Variants in ATP2C1 observed in about 807,000 individuals in gnomAD.
ATP2C1 encodes ATPase secretory pathway Ca2+ transporting 1.
ATP2C1 carries 31 observed loss-of-function variants against 120.5 expected under a neutral mutation model. The observed-to-expected ratio is 0.26, with a 90% CI of 0.19 to 0.35. The LOEUF is 0.35. ATP2C1 is among the 10% of genes least tolerant of loss of function. The pLI, the probability that ATP2C1 is intolerant of heterozygous loss-of-function variation, is 1.00. For missense variants in ATP2C1, 731 were observed against 1,107.5 expected, an observed-to-expected ratio of 0.66 and a Z score of 4.83; for synonymous variants, 351 against 358.7, an observed-to-expected ratio of 0.98 and a Z score of 0.24.
chr3:130,976,370 T>C (rs527608345), intron 18 of ATP2C1, among the ~76,000 whole-genome samples: 1 of 152,236 alleles, frequency 6.6e-6, no homozygotes, highest in African/African-American at 2.4e-5. Flanking sequence ...CCTGCTGCCA[T>C]TGCCCTTCTC....
intron 8 of ATP2C1, among the ~76,000 whole-genome samples, chr3:130,943,092 A>G (rs1373590966): frequency 3.3e-5 from 5 of 152,242 alleles, no homozygotes; most frequent in Non-Finnish European, 5.9e-5. Context: ...TCATTTAACT[A>G]AGGGTTAATT....
chr3:130,878,625 C>T (rs926467253), intron 1 of ATP2C1, among the ~76,000 whole-genome samples: 69 of 152,200 alleles, frequency 4.5e-4, no homozygotes, highest in African/African-American at 1.7e-3. Context: ...TTTATTTCTC[C>T]TTCATTTCTG....
At chr3:130,893,984 A>G (rs1160137248), upstream of ATP2C1, 28 of 985,516 alleles carry the variant, frequency 2.8e-5, no homozygotes, top group Non-Finnish European at 3.4e-5. Context: ...AGCGGAAGTA[A>G]TAGTGACAAA....
intron 2 of ATP2C1, among the ~76,000 whole-genome samples, chr3:130,923,276 G>C (rs1219936485): frequency 6.6e-6 from 1 of 151,728 alleles, no homozygotes; most frequent in African/African-American, 2.4e-5. Context: ...ACCCAGGCTG[G>C]AGTGTAGTGG....
intron 1 of ATP2C1, among the ~76,000 whole-genome samples, chr3:130,853,338 A>C (rs2067735599): frequency 6.6e-6 from 1 of 152,310 alleles, no homozygotes; most frequent in South Asian, 2.1e-4. Flanking sequence ...CTGGGTGAGG[A>C]TGGAAAGGAA....
intron 1 of ATP2C1, chr3:130,850,982 C>A: frequency 3.0e-6 from 3 of 989,520 alleles, no homozygotes; most frequent in Non-Finnish European, 4.0e-6. Flanking sequence ...TTCCTTGTTG[C>A]TTTTACGTCG....
chr3:130,900,769 C>G (rs2057783000), intron 2 of ATP2C1, among the ~76,000 whole-genome samples: 1 of 152,208 alleles, frequency 6.6e-6, no homozygotes, highest in African/African-American at 2.4e-5. Context: ...AACTTTGAAC[C>G]AGGTCCTGGA....
chr3:130,931,965 G>T, intron 3 of ATP2C1, 57 bp from the exon 4 acceptor site: 3 of 1,113,540 alleles, frequency 2.7e-6, no homozygotes, highest in Admixed American at 1.7e-5. Flanking sequence ...GTGCTTTTTT[G>T]TGTTTTTCTT....
chr3:130,959,447 A>T (rs1250760392), intron 12 of ATP2C1, 106 bp downstream of exon 12: 1 of 714,426 alleles, frequency 1.4e-6, no homozygotes, highest in East Asian at 2.8e-5. Flanking sequence ...GGAGCCCATA[A>T]GAGTATAACA....
chr3:130,912,447 T>G (rs2058470932), intron 2 of ATP2C1, among the ~76,000 whole-genome samples: 1 of 150,996 alleles, frequency 6.6e-6, no homozygotes, highest in South Asian at 2.1e-4. Context: ...GCGAAAGACA[T>G]GAACAGACAC....
At chr3:131,000,397 A>AG (rs1296441956) in intron 27 of ATP2C1, among the ~76,000 whole-genome samples, 1 of 152,218 alleles carries the variant, frequency 6.6e-6, no homozygotes, top group African/African-American at 2.4e-5. Context: ...TTTTAAAAAA[A>AG]TGGCATTTTA....
chr3:130,921,706 C>G (rs1462601164), intron 2 of ATP2C1, among the ~76,000 whole-genome samples: 4 of 152,070 alleles, frequency 2.6e-5, no homozygotes, highest in African/African-American at 9.7e-5. Flanking sequence ...TTGAGATGAT[C>G]ATGTGATTTT....
chr3:130,985,959 A>G (rs150931036), intron 20 of ATP2C1, among the ~76,000 whole-genome samples: 3 of 152,094 alleles, frequency 2.0e-5, no homozygotes, highest in East Asian at 1.9e-4. Context: ...AAATTTTCCT[A>G]TCCTGTGATT....
intron 1 of ATP2C1, among the ~76,000 whole-genome samples, chr3:130,879,650 G>A (rs1009240433): frequency 1.3e-5 from 2 of 151,964 alleles, no homozygotes; most frequent in Non-Finnish European, 1.5e-5. Flanking sequence ...TGTGCATCTG[G>A]TGTAACCGTT....
Position 130,953,876 on chromosome 3 carries a change from C to A in ATP2C1, c.587C>A (p.Ser196Tyr). 6.2e-7 allele frequency: 1 copy of A among 1,614,034 alleles called. No individual in the cohort carries two copies. The highest frequency in any genetic ancestry group is 8.5e-7 in the Non-Finnish European group (1 of 1,179,968). Reference protein sequence around the residue: ...SSLTGETTPCSKVTAPQPAAT... With the variant: ...SSLTGETTPCYKVTAPQPAAT... ...TTGACAGGTGAGACAACGCCTTGTT[C>A]TAAGGTGACAGCTCCTCAGCCAGCT... is the stretch of plus-strand genomic sequence containing the variant. The change falls in exon 9 of 28, where the codon TCT becomes TAT. Residue 196 changes from serine to tyrosine, a missense_variant. Around this residue, in one of 3 missense-constraint regions of ATP2C1, gnomAD observed 571 missense variants for 845.9 expected, o/e 0.67. Coordinates refer to ENST00000510168, the MANE Select transcript of ATP2C1 (RefSeq NM_001378687.1).
intron 6 of ATP2C1, among the ~76,000 whole-genome samples, chr3:130,939,765 A>C (rs1280161948): frequency 6.6e-6 from 1 of 152,166 alleles, no homozygotes; most frequent in African/African-American, 2.4e-5. Context: ...GTTCTAAGTT[A>C]TTCTTACATA....
At chr3:130,885,122 C>T (rs556358930) in intron 1 of ATP2C1, among the ~76,000 whole-genome samples, 10 of 151,790 alleles carry the variant, frequency 6.6e-5, no homozygotes, top group East Asian at 1.9e-4. Context: ...TTAGTAGAGA[C>T]GGGGTTTCAC....
rs1329766769 is a variant in ATP2C1, at chr3:130,955,083, G to A, written c.756+3G>A. On this transcript the variant is annotated splice_donor_region_variant and intron_variant, in intron 10 of 27. Transcript: ENST00000510168. ...TTAAAATGATGCAAGCAGAAGAGGTGAGTACTTAATATGTTAATGATGTAT... is the reference window on the plus strand; with the variant it reads ...TTAAAATGATGCAAGCAGAAGAGGTAAGTACTTAATATGTTAATGATGTAT... 6.3e-7 allele frequency: 1 copy of A among 1,586,860 alleles called. No homozygotes were observed. The highest frequency in any genetic ancestry group is 1.3e-5 in the African/African-American group (1 of 74,236).
intron 13 of ATP2C1, 67 bp downstream of exon 13, chr3:130,964,162 A>C: frequency 2.5e-5 from 39 of 1,557,482 alleles, no homozygotes; most frequent in Non-Finnish European, 3.2e-5. Flanking sequence ...GAATCATCTC[A>C]GAGTTTTACA....
Sources: allele counts gnomAD v4.1 joint callset (sites outside exome capture counted in the v4.1 genomes callset), GRCh38; gene constraint gnomAD v4.1.1; regional missense constraint gnomAD v4.1.1; transcripts MANE v1.5; gene names NCBI Gene and HGNC (gene_info 2026-07-23, HGNC 2026-07-21).